The following PRKG1 variants were observed in gnomAD, a reference collection of about 807,000 sequenced individuals.
PRKG1 encodes the protein cGMP-dependent protein kinase 1.
PRKG1 carries 35 observed loss-of-function variants against 88.1 expected under a neutral mutation model. That is an observed-to-expected ratio of 0.40 (90% CI 0.30 to 0.53). The LOEUF (loss-of-function observed/expected upper bound fraction) is 0.53, where lower values mean the gene tolerates loss of function less well. Ranked by LOEUF, PRKG1 falls within the 20% of genes least tolerant of loss-of-function variation. The probability of loss-of-function intolerance (pLI) is 0.59; values close to 1 mark genes in which losing one functional copy is unlikely to be tolerated. For missense variants in PRKG1, 540 were observed against 839.8 expected, an observed-to-expected ratio of 0.64 and a Z score of 4.41; for synonymous variants, 303 against 292.5, an observed-to-expected ratio of 1.04 and a Z score of -0.37.
chr10:52,238,547 G>A (rs943022556), intron 9 of PRKG1, among the ~76,000 whole-genome samples: 3 of 151,716 alleles, frequency 2.0e-5, no homozygotes, highest in Non-Finnish European at 4.4e-5. Flanking sequence ...AGACATTTAT[G>A]CAGCCAAAAA....
intron 3 of PRKG1, among the ~76,000 whole-genome samples, chr10:51,780,997 G>A (rs1488346292): frequency 2.0e-5 from 3 of 151,986 alleles, no homozygotes; most frequent in Non-Finnish European, 4.4e-5. Context: ...ATTTTTTGAA[G>A]TCATTTTATA....
chr10:52,171,151 T>G (rs920241429), intron 9 of PRKG1, among the ~76,000 whole-genome samples: 2 of 118,514 alleles, frequency 1.7e-5, no homozygotes, highest in African/African-American at 5.4e-5. Flanking sequence ...GTTTTGTTTT[T>G]TTTTTTGCCT....
chr10:52,035,919 G>C (rs554782649), intron 5 of PRKG1, among the ~76,000 whole-genome samples: 2 of 152,276 alleles, frequency 1.3e-5, no homozygotes, highest in African/African-American at 2.4e-5. Context: ...TACAGGGTGC[G>C]GTCCTGGCTC....
intron 12 of PRKG1, among the ~76,000 whole-genome samples, chr10:52,279,932 A>T (rs1233799582): frequency 2.6e-5 from 4 of 152,126 alleles, no homozygotes. Context: ...AAAAATAGTT[A>T]AAGTTAAGAC....
intron 4 of PRKG1, among the ~76,000 whole-genome samples, chr10:51,906,493 G>A (rs1053857092): frequency 5.3e-5 from 8 of 152,142 alleles, no homozygotes; most frequent in African/African-American, 1.7e-4. Context: ...CTGGAAAGGC[G>A]AGAAACTCAA....
At chr10:51,380,691 C>T (rs185705696) in intron 2 of PRKG1, among the ~76,000 whole-genome samples, 1 of 152,202 alleles carries the variant, frequency 6.6e-6, no homozygotes, top group Admixed American at 6.5e-5. Context: ...TGGCACAGCT[C>T]ATGCACCTAA....
At chr10:51,437,552 G>A (rs928842446) in intron 2 of PRKG1, among the ~76,000 whole-genome samples, 5 of 151,924 alleles carry the variant, frequency 3.3e-5, no homozygotes, top group African/African-American at 4.8e-5. Flanking sequence ...TAGAAAACAT[G>A]TATTTTAAAT....
chr10:52,199,977 T>C (rs1051107190), intron 9 of PRKG1, among the ~76,000 whole-genome samples: 2 of 152,148 alleles, frequency 1.3e-5, no homozygotes, highest in Non-Finnish European at 2.9e-5. Flanking sequence ...GCTAAGCATT[T>C]TATTTCTATT....
At chr10:51,806,822 C>A (rs375582836) in intron 4 of PRKG1, among the ~76,000 whole-genome samples, 68 of 152,264 alleles carry the variant, frequency 4.5e-4, no homozygotes, top group East Asian at 3.1e-3. Context: ...TCTCTTCCTG[C>A]AAACCAAACA....
intron 3 of PRKG1, among the ~76,000 whole-genome samples, chr10:51,614,360 A>C (rs1838989282): frequency 6.6e-6 from 1 of 151,396 alleles, no homozygotes; most frequent in Non-Finnish European, 1.5e-5. Context: ...CCATCCCTTT[A>C]CTTTCAATTT....
intron 3 of PRKG1, among the ~76,000 whole-genome samples, chr10:51,750,890 CA>C (rs5784886): frequency 6.0e-5 from 9 of 148,928 alleles, no homozygotes; most frequent in Middle Eastern, 3.4e-3. Context: ...ATTTCATAAG[CA>C]AAAAAAAAAG....
At chr10:51,880,409 C>G (rs59431116) in intron 4 of PRKG1, among the ~76,000 whole-genome samples, 1,625 of 152,232 alleles carry the variant, frequency 0.011, 32 homozygotes, top group African/African-American at 0.037. Flanking sequence ...TCTACTGGCT[C>G]TGCTCTGTCT....
intron 2 of PRKG1, among the ~76,000 whole-genome samples, chr10:51,239,816 G>T (rs1285873551): frequency 2.6e-5 from 4 of 152,174 alleles, no homozygotes; most frequent in Admixed American, 6.6e-5. Context: ...ACCTCAGGCA[G>T]GTTGTTTTAC....
intron 3 of PRKG1, among the ~76,000 whole-genome samples, chr10:51,591,542 T>A (rs1246425681): frequency 6.6e-6 from 1 of 152,166 alleles, no homozygotes; most frequent in Non-Finnish European, 1.5e-5. Context: ...GAAGAGTAAG[T>A]TGTCACCAGC....
chr10:51,226,253 ATTAT>A (rs1372921017), intron 2 of PRKG1, among the ~76,000 whole-genome samples: 1 of 152,198 alleles, frequency 6.6e-6, no homozygotes, highest in Non-Finnish European at 1.5e-5. Context: ...TGTGGGGCAG[ATTAT>A]TTATTTACAA....
intron 3 of PRKG1, among the ~76,000 whole-genome samples, chr10:51,628,289 A>G (rs1839426298): frequency 6.6e-6 from 1 of 150,718 alleles, no homozygotes; most frequent in Admixed American, 6.6e-5. Context: ...CTGCTTTCTG[A>G]GTAGCTGGGA....
rs1200472161 is a variant in PRKG1, at chr10:52,291,530, T to C, written c.1962+1240T>C. Among the ~76,000 whole-genome samples the C allele has an allele frequency of 4.6e-5, 7 of 151,740 alleles. No homozygotes were observed. In the East Asian group the frequency reaches 1.4e-3, roughly 30 times the overall value. On this transcript the variant is annotated intron_variant, in intron 17 of 17. Transcript: ENST00000373980. Reference sequence around the variant, plus strand: ...GTTTGGTTTTTTGTTCTTGCGATAGTTTACTGAGAAATGATTTCCAATTTC... The same window carrying C: ...GTTTGGTTTTTTGTTCTTGCGATAGCTTACTGAGAAATGATTTCCAATTTC...
chr10:51,330,803 A>G (rs554839265), intron 2 of PRKG1, among the ~76,000 whole-genome samples: 1 of 152,312 alleles, frequency 6.6e-6, no homozygotes, highest in South Asian at 2.1e-4. Context: ...AATCTTTTTC[A>G]AGCAATTATG....
intron 5 of PRKG1, among the ~76,000 whole-genome samples, chr10:52,034,733 A>G (rs928844221): frequency 6.6e-6 from 1 of 151,966 alleles, no homozygotes; most frequent in African/African-American, 2.4e-5. Flanking sequence ...GTAGTTGAGA[A>G]TGGTGAATAG....
Sources: allele counts gnomAD v4.1 joint callset (sites outside exome capture counted in the v4.1 genomes callset), GRCh38; gene constraint gnomAD v4.1.1; transcripts MANE v1.5; gene names NCBI Gene and HGNC (gene_info 2026-07-23, HGNC 2026-07-21).